EFHC2: variants seen among roughly 807,000 people sequenced by gnomAD.
EFHC2 encodes the protein EF-hand domain-containing family member C2.
Under a neutral mutation model 52.7 loss-of-function variants are expected in EFHC2, and 18 were observed. The observed-to-expected ratio is 0.34, with a 90% CI of 0.24 to 0.51. The LOEUF (loss-of-function observed/expected upper bound fraction) is 0.51. EFHC2 is among the 20% of genes least tolerant of loss of function. The probability of loss-of-function intolerance (pLI) is 0.97; values close to 1 mark genes in which losing one functional copy is unlikely to be tolerated. For synonymous variants in EFHC2, 203 were observed against 204.1 expected, an observed-to-expected ratio of 0.99 and a Z score of 0.04; for missense variants, 513 against 562.5, an observed-to-expected ratio of 0.91 and a Z score of 0.89.
chrX:44,164,717 C>T (rs1282814280), intron 13 of EFHC2, among the ~76,000 whole-genome samples: 2 of 111,588 alleles, frequency 1.8e-5, no homozygotes, highest in Non-Finnish European at 3.8e-5. Flanking sequence ...AAGAGAGATT[C>T]TGATTTTTGA....
rs187690394 is a variant in EFHC2 at position 44,275,415 on chromosome X, G to A, written c.232-2579C>T. 3.0e-3 allele frequency among the ~76,000 whole-genome samples: 333 copies of A among 110,278 alleles called. 1 individual carries two copies. Among genetic ancestry groups the A allele is most frequent in the Non-Finnish European group, 5.3e-3 (279 of 52,827 alleles). ...GGAAGAGGAAATTATAAAATGTGGT[G>A]AAGTAGAATGTAAGAGGAGAGACAC... is the stretch of plus-strand genomic sequence containing the variant. On this transcript the variant is annotated intron_variant, in intron 2 of 14. Transcript: ENST00000420999.
chrX:44,207,007 A>C (rs970159145), intron 11 of EFHC2, among the ~76,000 whole-genome samples: 1 of 111,696 alleles, frequency 9.0e-6, no homozygotes, highest in African/African-American at 3.3e-5. Flanking sequence ...TTGTACAAAA[A>C]ATAGGCACGT....
At chrX:44,237,634 C>A (rs1241311300) in intron 8 of EFHC2, among the ~76,000 whole-genome samples, 1 of 111,753 alleles carries the variant, frequency 8.9e-6, no homozygotes, top group Non-Finnish European at 1.9e-5. Flanking sequence ...TAGAGGTCAA[C>A]AATGATCTCC....
At chrX:44,243,210 T>C (rs2037373852) in intron 7 of EFHC2, among the ~76,000 whole-genome samples, 1 of 111,595 alleles carries the variant, frequency 9.0e-6, no homozygotes, top group Non-Finnish European at 1.9e-5. Context: ...CAAGTCACTG[T>C]GTTTGTCCCC....
intron 7 of EFHC2, among the ~76,000 whole-genome samples, chrX:44,246,670 A>G (rs925903257): frequency 9.0e-6 from 1 of 111,259 alleles, no homozygotes; most frequent in African/African-American, 3.3e-5. Flanking sequence ...GGGAATTCAC[A>G]CTGCCTCAAA....
intron 7 of EFHC2, among the ~76,000 whole-genome samples, chrX:44,245,722 T>C (rs2037395398): frequency 8.9e-6 from 1 of 112,147 alleles, no homozygotes; most frequent in Non-Finnish European, 1.9e-5. Flanking sequence ...AGCTCAAATG[T>C]CTCTTGGAAT....
intron 1 of EFHC2, among the ~76,000 whole-genome samples, chrX:44,325,728 C>T (rs1222620226): frequency 1.9e-5 from 2 of 104,677 alleles, no homozygotes; most frequent in African/African-American, 3.5e-5. Context: ...CTCAAAAGCC[C>T]AGATGCTTGA....
intron 7 of EFHC2, among the ~76,000 whole-genome samples, chrX:44,243,544 A>C (rs1036229931): frequency 1.8e-5 from 2 of 111,859 alleles, no homozygotes; most frequent in Non-Finnish European, 3.8e-5. Flanking sequence ...TGATGATCAA[A>C]AGGCTAAGGG....
chrX:44,201,115 C>A (rs960805442), intron 11 of EFHC2, among the ~76,000 whole-genome samples: 11 of 111,246 alleles, frequency 9.9e-5, no homozygotes, highest in Non-Finnish European at 1.7e-4. Flanking sequence ...AATTAAGAAC[C>A]AAATGAGAGT....
chrX:44,332,792 A>G (rs1423710141), intron 1 of EFHC2, among the ~76,000 whole-genome samples: 1 of 111,358 alleles, frequency 9.0e-6, no homozygotes, highest in Admixed American at 9.5e-5. Context: ...GAGGCCACAG[A>G]GAGGCTTTGT....
chrX:44,242,922 C>A (rs1244729403), intron 7 of EFHC2, among the ~76,000 whole-genome samples: 2 of 111,839 alleles, frequency 1.8e-5, no homozygotes, highest in African/African-American at 3.3e-5. Context: ...CAAGAAAAGA[C>A]TACAATTGCA....
chrX:44,334,773 C>T (rs2038107116), intron 1 of EFHC2, among the ~76,000 whole-genome samples: 1 of 112,442 alleles, frequency 8.9e-6, no homozygotes, highest in Non-Finnish European at 1.9e-5. Context: ...CGCACCTGGC[C>T]TATTTGTCTT....
intron 2 of EFHC2, among the ~76,000 whole-genome samples, chrX:44,311,339 G>C (rs1412581819): frequency 5.4e-5 from 6 of 111,998 alleles, no homozygotes; most frequent in Admixed American, 9.5e-5. Context: ...GATGACATGG[G>C]GATGTGTCAA....
In EFHC2 at chrX:44,343,583, G is replaced by A; in HGVS notation, c.6C>T (p.Ala2=). 8.4e-7 allele frequency: 1 copy of A among 1,195,564 alleles called. No individual in the cohort carries two copies. The highest frequency in any genetic ancestry group is 1.1e-6 in the Non-Finnish European group (1 of 887,465). ...AGCTGTTGCCCGGCAGCAGAGGCAG[G>A]GCCATGGCGCTCAGTGTCCGAAAAT... is the stretch of plus-strand genomic sequence containing the variant. The part of the protein sequence containing the change: M[A]LPLLPGNSFN... Residue 2 remains alanine, a synonymous_variant, in exon 1 of 15, where the codon GCC becomes GCT. Transcript: ENST00000420999.
At chrX:44,303,444 C>A (rs1288732772) in intron 2 of EFHC2, among the ~76,000 whole-genome samples, 1 of 110,468 alleles carries the variant, frequency 9.1e-6, no homozygotes, top group African/African-American at 3.3e-5. Context: ...GTAGATGTAC[C>A]CCTACTTCCT....
At chrX:44,178,810 A>C (rs1164113404) in intron 11 of EFHC2, among the ~76,000 whole-genome samples, 1 of 112,308 alleles carries the variant, frequency 8.9e-6, no homozygotes, top group Admixed American at 9.4e-5. Flanking sequence ...AGAGTTAAAC[A>C]CCTACCAAAT....
intron 1 of EFHC2, among the ~76,000 whole-genome samples, chrX:44,318,893 T>C: frequency 9.0e-6 from 1 of 111,161 alleles, no homozygotes. Flanking sequence ...CAAGGAGCCA[T>C]TAAAGTTTCC....
At chrX:44,290,659 G>A (rs5953380) in intron 2 of EFHC2, among the ~76,000 whole-genome samples, 16,125 of 110,784 alleles carry the variant, frequency 0.15, 1,174 homozygotes, top group Admixed American at 0.26. Context: ...ATAAATTCAT[G>A]TAGAGTGGTC....
At position 44,250,257 on chromosome X, in the gene EFHC2, C is replaced by G. The variant is rs1216876166; in HGVS notation, c.795G>C (p.Leu265Phe). 8.3e-7 allele frequency: 1 copy of G among 1,209,169 alleles called. No individual in the cohort carries two copies. The highest frequency in any genetic ancestry group is 1.8e-5 in the African/African-American group (1 of 57,087). ...CATCTCGGCCTGAGCTGTGTGGAAG[C>G]AATTCTTTGATTTCAATAGTATCAT... ...LCDDTIEIKE[L>F]LPHSSGRDAL... Residue 265 changes from leucine (L) to phenylalanine (F), a missense_variant, in exon 5 of 15, where the codon TTG (leucine) becomes TTC (phenylalanine). Physicochemically the swap from Leu to Phe is conservative, Grantham distance 22. Transcript: ENST00000420999.
Sources: allele counts gnomAD v4.1 joint callset (sites outside exome capture counted in the v4.1 genomes callset), GRCh38; gene constraint gnomAD v4.1.1; transcripts MANE v1.5; gene names NCBI Gene and HGNC (gene_info 2026-07-23, HGNC 2026-07-21).